Variants in SMAD1 observed in about 807,000 individuals in gnomAD.
SMAD1 encodes SMAD family member 1.
Under a neutral mutation model 41.6 loss-of-function variants are expected in SMAD1, and 6 were observed. The observed-to-expected ratio is 0.14, with a 90% CI of 0.08 to 0.28. The LOEUF (loss-of-function observed/expected upper bound fraction) is 0.28. SMAD1 is among the 10% of genes least tolerant of loss of function. SMAD1 has a pLI of 1.00. For missense variants in SMAD1, 379 were observed against 582.6 expected (o/e 0.65, Z 3.60); for synonymous variants, 206 against 203.2 (o/e 1.01, Z -0.12).
upstream of SMAD1, among the ~76,000 whole-genome samples, chr4:145,480,975 T>C (rs1728151256): frequency 6.6e-6 from 1 of 152,120 alleles, no homozygotes; most frequent in African/African-American, 2.4e-5. Context: ...AAAATCATTT[T>C]TTCTAAACGT....
Position 145,551,526 on chromosome 4 carries a change from G to C in SMAD1, c.998-2258G>C, listed in dbSNP as rs186210359. 7.1e-4 allele frequency among the ~76,000 whole-genome samples: 107 copies of C among 151,720 alleles called. No individual in the cohort carries two copies. The East Asian group carries it at 8.3e-3, about 12-fold the overall frequency. On this transcript the variant is annotated intron_variant, in intron 5 of 6. Transcript: ENST00000302085. The stretch of plus-strand genomic sequence containing the variant: ...AAATTAAAAGACAAAGGACTAACAG[G>C]GAAGCAAATAAGAAAGTATATCCTT...
At chr4:145,528,948 T>A (rs1417077361) in intron 2 of SMAD1, among the ~76,000 whole-genome samples, 1 of 152,218 alleles carries the variant, frequency 6.6e-6, no homozygotes, top group Non-Finnish European at 1.5e-5. Context: ...GTAGAGGTAA[T>A]GTAGTACCTA....
intron 1 of SMAD1, among the ~76,000 whole-genome samples, chr4:145,510,444 T>C (rs1730015763): frequency 6.6e-6 from 1 of 152,214 alleles, no homozygotes; most frequent in Non-Finnish European, 1.5e-5. Flanking sequence ...TTTGATGTGA[T>C]ATTTTTACAA....
chr4:145,504,626 G>A (rs948642611), intron 1 of SMAD1, among the ~76,000 whole-genome samples: 30 of 152,084 alleles, frequency 2.0e-4, no homozygotes, highest in Non-Finnish European at 1.2e-4. Flanking sequence ...AAATGTGAGC[G>A]GATGGCAGTT....
At chr4:145,506,722 G>GT (rs1305943315) in intron 1 of SMAD1, among the ~76,000 whole-genome samples, 1 of 151,994 alleles carries the variant, frequency 6.6e-6, no homozygotes, top group Admixed American at 6.6e-5. Flanking sequence ...TTTGGGATCT[G>GT]TAACATATTA....
chr4:145,490,039 A>C (rs959641), intron 1 of SMAD1, among the ~76,000 whole-genome samples: 64,211 of 151,674 alleles, frequency 0.42, 14,324 homozygotes, highest in Non-Finnish European at 0.51. Flanking sequence ...AAGGAGAAGA[A>C]GTCAGATAAT....
intron 2 of SMAD1, among the ~76,000 whole-genome samples, chr4:145,530,705 A>G (rs1731272922): frequency 1.3e-5 from 2 of 151,660 alleles, no homozygotes; most frequent in Non-Finnish European, 2.9e-5. Context: ...ACCTTTAGGC[A>G]AAACTATCAT....
chr4:145,516,773 A>C lies in SMAD1; in HGVS notation c.400+1760A>C, dbSNP rs147529162. 7.9e-5 allele frequency among the ~76,000 whole-genome samples: 12 copies of C among 152,306 alleles called. No homozygotes were observed. In the East Asian group the frequency reaches 2.3e-3, roughly 29 times the overall value. On this transcript the variant is annotated intron_variant, in intron 2 of 6. Coordinates refer to ENST00000302085, the MANE Select transcript of SMAD1 (RefSeq NM_005900.3). ...AAAATGTAGTAGATAAGTAATATGT[A>C]CCAGCAATATTATTTAGGCACATGA...
chr4:145,514,545 T>C lies in SMAD1; in HGVS notation c.-69T>C. ...TCTCTGTAAATAAACAAATCTCTTC[T>C]GCTGTCCTTTTGCATTTGGAGACAG... On this transcript the variant is annotated 5_prime_UTR_variant, in exon 2 of 7. Transcript: ENST00000302085. The surrounding 1 kb of genome is among the most constrained non-coding windows in gnomAD (Gnocchi z 4.7). 3 of 1,377,070 alleles carry C rather than the reference T, an allele frequency of 2.2e-6. No individual in the cohort carries two copies. Among genetic ancestry groups the C allele is most frequent in the Non-Finnish European group, 3.0e-6 (3 of 1,009,946 alleles). 85.3% of individuals were successfully genotyped at this position (1,377,070 alleles called of 1,614,324 possible). A position where few individuals can be genotyped will look rare whatever the true frequency, so the allele number is the denominator to read the frequency against.
At position 145,557,677 on chromosome 4, in the gene SMAD1, G is replaced by A. The variant is rs1578840092; in HGVS notation, c.1255-114G>A. On this transcript the variant is annotated intron_variant, in intron 6 of 6. Coordinates refer to ENST00000302085, the MANE Select transcript of SMAD1 (RefSeq NM_005900.3). ...TTCTCCCCAGGGGCGGGGGGGTCAG[G>A]GAGGAAAGATGCATAGCTTTAATCA... 4 of 743,074 alleles carry A rather than the reference G, an allele frequency of 5.4e-6. No homozygotes were observed. In the South Asian group the frequency reaches 1.3e-4, roughly 24 times the overall value. The allele number at this position is 743,074 out of a possible 1,614,324, so 46.0% of individuals were successfully genotyped here. A position where few individuals can be genotyped will look rare whatever the true frequency, so the allele number is the denominator to read the frequency against.
intron 2 of SMAD1, among the ~76,000 whole-genome samples, chr4:145,536,950 G>T (rs1731649169): frequency 6.6e-6 from 1 of 152,012 alleles, no homozygotes; most frequent in South Asian, 2.1e-4. Flanking sequence ...AAATCTCAGA[G>T]TTTAATCACG....
intron 4 of SMAD1, chr4:145,545,287 G>GA (rs543126361): frequency 3.3e-5 from 5 of 152,288 alleles, no homozygotes; most frequent in East Asian, 3.9e-4. Context: ...GCCTTTCACA[G>GA]AAAAAATTCA....
chr4:145,504,990 G>A (rs7684336), intron 1 of SMAD1, among the ~76,000 whole-genome samples: 1,790 of 152,198 alleles, frequency 0.012, 32 homozygotes, highest in African/African-American at 0.04. Flanking sequence ...TTAACCCTAC[G>A]TCTTTAGTGT....
chr4:145,543,123 C>A (rs889359489), intron 4 of SMAD1, among the ~76,000 whole-genome samples: 2 of 152,078 alleles, frequency 1.3e-5, no homozygotes, highest in African/African-American at 4.8e-5. Context: ...CACACCATCA[C>A]GCCCGACTAA....
Position 145,558,020 on chromosome 4 carries a change from C to A in SMAD1, c.*86C>A. 7 of 907,598 alleles carry A rather than the reference C, an allele frequency of 7.7e-6. No homozygotes were observed. Among genetic ancestry groups the A allele is most frequent in the South Asian group, 3.3e-5 (1 of 30,356 alleles). The allele number at this position is 907,598 out of a possible 1,614,324, so 56.2% of individuals were successfully genotyped here. On this transcript the variant is annotated 3_prime_UTR_variant, in exon 7 of 7. Transcript: ENST00000302085. ...TGAGTCAGACACGATTGAGAACTGA[C>A]AAAGGAGCCTTGATAATACTTGACC... is the stretch of plus-strand genomic sequence containing the variant.
chr4:145,505,261 G>C (rs1018076587), intron 1 of SMAD1, among the ~76,000 whole-genome samples: 1 of 152,152 alleles, frequency 6.6e-6, no homozygotes, highest in African/African-American at 2.4e-5. Context: ...CAAGGCAAGA[G>C]TTGATCTCAC....
intron 2 of SMAD1, among the ~76,000 whole-genome samples, chr4:145,530,624 A>T (rs1731268022): frequency 6.6e-6 from 1 of 152,156 alleles, no homozygotes; most frequent in African/African-American, 2.4e-5. Flanking sequence ...AATTATGTTC[A>T]CATCTTTGTC....
intron 1 of SMAD1, among the ~76,000 whole-genome samples, chr4:145,501,383 A>T (rs1349671740): frequency 6.6e-6 from 1 of 152,222 alleles, no homozygotes; most frequent in Admixed American, 6.5e-5. Context: ...GTAAAAGGAT[A>T]TAACTTGTAA....
intron 2 of SMAD1, among the ~76,000 whole-genome samples, chr4:145,534,819 T>C (rs1731523598): frequency 6.6e-6 from 1 of 152,216 alleles, no homozygotes; most frequent in African/African-American, 2.4e-5. Flanking sequence ...GAAGTATGCA[T>C]GGATGAATTC....
Sources: allele counts gnomAD v4.1 joint callset (sites outside exome capture counted in the v4.1 genomes callset), GRCh38; gene constraint gnomAD v4.1.1; non-coding constraint Gnocchi (gnomAD v3.1); transcripts MANE v1.5; gene names NCBI Gene and HGNC (gene_info 2026-07-23, HGNC 2026-07-21).